ANKRD17: variants seen among roughly 807,000 people sequenced by gnomAD.
ANKRD17 encodes ankyrin repeat domain 17, also known as ankyrin repeat domain-containing protein 17.
ANKRD17 carries 19 observed loss-of-function variants against 229.7 expected under a neutral mutation model. The observed-to-expected ratio is 0.08, with a 90% CI of 0.06 to 0.12. ANKRD17 has a LOEUF of 0.12. ANKRD17 is among the 10% of genes least tolerant of loss of function. ANKRD17 has a pLI of 1.00. For missense variants in ANKRD17, 2,176 were observed against 3,176.8 expected, an observed-to-expected ratio of 0.68 and a Z score of 7.57; for synonymous variants, 1,112 against 1,146.1, an observed-to-expected ratio of 0.97 and a Z score of 0.60.
chr4:73,153,598 C>T (rs1731281543), intron 6 of ANKRD17, among the ~76,000 whole-genome samples: 1 of 152,088 alleles, frequency 6.6e-6, no homozygotes, highest in Non-Finnish European at 1.5e-5. Context: ...AAAATCTTCC[C>T]AACATGCAAA....
At chr4:73,080,531 T>C (rs1293348829) in intron 30 of ANKRD17, among the ~76,000 whole-genome samples, 1 of 152,186 alleles carries the variant, frequency 6.6e-6, no homozygotes, top group Non-Finnish European at 1.5e-5. Context: ...CATGTAAATG[T>C]AAACACAAAG....
intron 24 of ANKRD17, among the ~76,000 whole-genome samples, chr4:73,112,171 G>A (rs1194664265): frequency 6.6e-6 from 1 of 152,118 alleles, no homozygotes; most frequent in Non-Finnish European, 1.5e-5. Context: ...GATCTTAAAA[G>A]GCCTTATAGG....
chr4:73,235,380 GT>G (rs1482553123), intron 1 of ANKRD17, among the ~76,000 whole-genome samples: 1 of 152,138 alleles, frequency 6.6e-6, no homozygotes, highest in Non-Finnish European at 1.5e-5. Context: ...CACTATTCAA[GT>G]TTAGATCCAT....
In ANKRD17 at chr4:73,208,188, C is replaced by CAAAA. The variant is rs36126530; in HGVS notation, c.394-30659_394-30656dup. On this transcript the variant is annotated intron_variant, in intron 1 of 33. Coordinates refer to ENST00000358602, the MANE Select transcript of ANKRD17 (RefSeq NM_032217.5). ...TGGGCGACACAGCGAGACTCCGTCTCAAAAAAAAAAAAAAAAAAAAAAAAC... is the reference window on the plus strand; with the variant it reads ...TGGGCGACACAGCGAGACTCCGTCTCAAAAAAAAAAAAAAAAAAAAAAAAAAAAC... Among the ~76,000 whole-genome samples, 39 of 67,900 alleles carry CAAAA rather than the reference C, an allele frequency of 5.7e-4. 2 individuals are homozygous for CAAAA. The highest frequency in any genetic ancestry group is 1.6e-3 in the African/African-American group (29 of 18,380). The allele number at this position is 67,900 out of a possible 152,430, so 44.5% of individuals were successfully genotyped here.
At chr4:73,153,277 G>T (rs1731236608) in intron 6 of ANKRD17, among the ~76,000 whole-genome samples, 1 of 147,124 alleles carries the variant, frequency 6.8e-6, no homozygotes. Context: ...AGAAATGAGT[G>T]GCTAAACACA....
At chr4:73,130,047 G>C (rs1728000244) in intron 16 of ANKRD17, among the ~76,000 whole-genome samples, 1 of 152,028 alleles carries the variant, frequency 6.6e-6, no homozygotes, top group South Asian at 2.1e-4. Flanking sequence ...TTACAGGTGT[G>C]AGCCACTGCA....
chr4:73,109,252 A>G (rs1725005847), intron 24 of ANKRD17, among the ~76,000 whole-genome samples: 1 of 151,716 alleles, frequency 6.6e-6, no homozygotes, highest in Non-Finnish European at 1.5e-5. Context: ...GTGAGCTGAG[A>G]TCGCACCACT....
chr4:73,094,510 C>T (rs1007916450), intron 27 of ANKRD17, among the ~76,000 whole-genome samples: 1 of 152,066 alleles, frequency 6.6e-6, no homozygotes, highest in East Asian at 1.9e-4. Flanking sequence ...TATGTAGACA[C>T]GTGCTGTGCT....
At chr4:73,089,743 G>A (rs1282145314) in intron 29 of ANKRD17, among the ~76,000 whole-genome samples, 4 of 152,000 alleles carry the variant, frequency 2.6e-5, no homozygotes, top group Non-Finnish European at 4.4e-5. Flanking sequence ...TTACAATCAG[G>A]AGATCTTTGT....
rs541201587 is a variant in ANKRD17 at position 73,098,811 on chromosome 4, G to C, written c.4574-291C>G. 3.4e-4 allele frequency: 513 copies of C among 1,513,604 alleles called. 1 individual carries two copies. The highest frequency in any genetic ancestry group is 2.7e-3 in the Admixed American group (156 of 58,006). The allele number at this position is 1,513,604 out of a possible 1,614,324, so 93.8% of individuals were successfully genotyped here. ...CCATCAATCTTCCACCTGCTCCTTA[G>C]AGAAGGGAAGATGAGTGAGTCGAGC... On this transcript the variant is annotated intron_variant, in intron 25 of 33. Coordinates refer to ENST00000358602, the MANE Select transcript of ANKRD17 (RefSeq NM_032217.5).
intron 1 of ANKRD17, among the ~76,000 whole-genome samples, chr4:73,246,508 G>A (rs1228900724): frequency 6.6e-6 from 1 of 152,120 alleles, no homozygotes; most frequent in Non-Finnish European, 1.5e-5. Context: ...TGGAAGAAAG[G>A]TTTGCACAAA....
intron 11 of ANKRD17, 114 bp downstream of exon 11, chr4:73,144,631 A>C: frequency 8.1e-6 from 4 of 491,158 alleles, no homozygotes; most frequent in Non-Finnish European, 1.4e-5. Context: ...TGTCAGTAGC[A>C]TCCCTCCTCA....
At chr4:73,221,765 C>G (rs1741885913) in intron 1 of ANKRD17, among the ~76,000 whole-genome samples, 1 of 151,254 alleles carries the variant, frequency 6.6e-6, no homozygotes, top group African/African-American at 2.5e-5. Flanking sequence ...CAACTTAGAC[C>G]TAACAGCTTT....
intron 1 of ANKRD17, among the ~76,000 whole-genome samples, chr4:73,208,563 T>C (rs545413679): frequency 1.1e-4 from 16 of 152,126 alleles, no homozygotes; most frequent in Non-Finnish European, 2.2e-4. Flanking sequence ...AAATGTTATA[T>C]AAATAGTACC....
chr4:73,144,117 A>C (rs1193486408), intron 11 of ANKRD17, among the ~76,000 whole-genome samples: 1 of 152,188 alleles, frequency 6.6e-6, no homozygotes, highest in Non-Finnish European at 1.5e-5. Flanking sequence ...TGAACTCTGA[A>C]TTGAAAACTG....
intron 24 of ANKRD17, 115 bp from the exon 25 acceptor site, chr4:73,102,662 T>TAG: frequency 1.7e-6 from 2 of 1,188,120 alleles, no homozygotes; most frequent in South Asian, 2.8e-5. Context: ...CAAAGTCATC[T>TAG]AGTTCAATTC....
chr4:73,136,148 T>A (rs1340642609), intron 15 of ANKRD17, among the ~76,000 whole-genome samples: 1 of 152,152 alleles, frequency 6.6e-6, no homozygotes, highest in Non-Finnish European at 1.5e-5. Flanking sequence ...GAGGGTACTT[T>A]ATTCTCTCAT....
intron 24 of ANKRD17, among the ~76,000 whole-genome samples, chr4:73,107,420 T>C (rs966944135): frequency 1.3e-5 from 2 of 152,242 alleles, no homozygotes; most frequent in Non-Finnish European, 2.9e-5. Flanking sequence ...AAAACATCCC[T>C]GTCTTCAAGT....
intron 24 of ANKRD17, among the ~76,000 whole-genome samples, chr4:73,105,967 G>A (rs1036493282): frequency 6.6e-6 from 1 of 152,166 alleles, no homozygotes; most frequent in African/African-American, 2.4e-5. Flanking sequence ...ACTAAACCAT[G>A]AAGATTCAAA....
Sources: allele counts gnomAD v4.1 joint callset (sites outside exome capture counted in the v4.1 genomes callset), GRCh38; gene constraint gnomAD v4.1.1; transcripts MANE v1.5; gene names NCBI Gene and HGNC (gene_info 2026-07-23, HGNC 2026-07-21).